The following KTN1 variants were observed in gnomAD, a reference collection of about 807,000 sequenced individuals.
The protein encoded by KTN1 is kinectin 1.
In KTN1, 130 loss-of-function variants were observed where a neutral mutation model predicts 222.5. The observed-to-expected ratio is 0.58, with a 90% CI of 0.51 to 0.68. KTN1 has a LOEUF of 0.68. Ranked by LOEUF, KTN1 falls within the 30% of genes least tolerant of loss-of-function variation. The pLI, the probability that KTN1 is intolerant of heterozygous loss-of-function variation, is 0.00. For missense variants in KTN1, 1,508 were observed against 1,500.4 expected (o/e 1.01, Z -0.08); for synonymous variants, 512 against 496.3 (o/e 1.03, Z -0.42).
intron 31 of KTN1, chr14:55,661,268 T>C (rs1334987111): frequency 3.3e-6 from 1 of 302,834 alleles, no homozygotes; most frequent in Non-Finnish European, 6.0e-6. Flanking sequence ...AATATGTTTC[T>C]TAGGGGATGA....
At chr14:55,673,048 A>T in intron 39 of KTN1, 36 bp downstream of exon 39, 1 of 1,558,152 alleles carries the variant, frequency 6.4e-7, no homozygotes, top group South Asian at 1.1e-5. Flanking sequence ...CTTGCTTCTC[A>T]ATTCAGATTA....
At chr14:55,654,080 G>C (rs1218668937) in intron 28 of KTN1, among the ~76,000 whole-genome samples, 1 of 152,146 alleles carries the variant, frequency 6.6e-6, no homozygotes, top group African/African-American at 2.4e-5. Context: ...TAGGAAAACT[G>C]AATCTAGTCA....
At chr14:55,637,737 T>C in intron 11 of KTN1, 42 bp from the exon 12 acceptor site, 1 of 1,433,186 alleles carries the variant, frequency 7.0e-7, no homozygotes, top group Admixed American at 1.7e-5. Context: ...TGGGGTTATT[T>C]ATTAGCATGC....
At chr14:55,659,325 T>TA (rs1008461885) in intron 30 of KTN1, among the ~76,000 whole-genome samples, 2 of 150,986 alleles carry the variant, frequency 1.3e-5, no homozygotes, top group Non-Finnish European at 3.0e-5. Context: ...TTTTTTTTTT[T>TA]AACTTGGAAG....
chr14:55,591,092 A>G (rs569893837), intron 1 of KTN1, among the ~76,000 whole-genome samples: 12 of 152,220 alleles, frequency 7.9e-5, no homozygotes, highest in African/African-American at 2.9e-4. Flanking sequence ...TGTTGTTAGT[A>G]TACACAGTGC....
chr14:55,652,393 C>CTTTT (rs769501863), intron 25 of KTN1, among the ~76,000 whole-genome samples: 36 of 117,406 alleles, frequency 3.1e-4, no homozygotes, highest in East Asian at 5.1e-4. Context: ...TCTTAAATGC[C>CTTTT]TTTTTTTTTT....
At chr14:55,644,151 G>T in intron 18 of KTN1, 1 of 403,210 alleles carries the variant, frequency 2.5e-6, no homozygotes, top group Admixed American at 4.0e-5. Flanking sequence ...AATCATTTCT[G>T]TGGCTTTTCC....
chr14:55,646,385 TTGTC>T (rs531380915), intron 18 of KTN1, among the ~76,000 whole-genome samples: 160 of 151,866 alleles, frequency 1.1e-3, no homozygotes, highest in African/African-American at 3.0e-3. Flanking sequence ...GAGCCCATGT[TTGTC>T]TGTCTTTCTT....
In KTN1 at chr14:55,667,239, A is replaced by G; in HGVS notation, c.3178-2A>G. The G allele has an allele frequency of 6.3e-7, 1 of 1,582,056 alleles. No individual in the cohort carries two copies. Among genetic ancestry groups the G allele is most frequent in the Admixed American group, 1.8e-5 (1 of 56,016 alleles). Reference sequence around the variant, plus strand: ...TTTGATTTGGCTCATCTTCTGCTTTAGGAAAGGCAGCAACAGGTGGAAGCT... The same window carrying G: ...TTTGATTTGGCTCATCTTCTGCTTTGGGAAAGGCAGCAACAGGTGGAAGCT... On this transcript the variant is annotated splice_acceptor_variant, in intron 33 of 43. Transcript: ENST00000395314. LOFTEE classifies it high-confidence loss of function.
intron 1 of KTN1, among the ~76,000 whole-genome samples, chr14:55,587,573 A>G (rs1389956302): frequency 2.6e-5 from 4 of 152,106 alleles, no homozygotes; most frequent in African/African-American, 9.6e-5. Flanking sequence ...ATATCCACAC[A>G]GGTTGAATTC....
intron 12 of KTN1, among the ~76,000 whole-genome samples, chr14:55,638,267 A>G (rs2041367671): frequency 6.6e-6 from 1 of 151,908 alleles, no homozygotes; most frequent in South Asian, 2.1e-4. Flanking sequence ...CAAAATGATC[A>G]ATTGAAAATT....
At chr14:55,588,421 C>T (rs1021213526) in intron 1 of KTN1, among the ~76,000 whole-genome samples, 1 of 152,120 alleles carries the variant, frequency 6.6e-6, no homozygotes, top group African/African-American at 2.4e-5. Flanking sequence ...GCACTTCCAG[C>T]ATTACTAGTG....
At position 55,664,024 on chromosome 14, in the gene KTN1, G is replaced by C; in HGVS notation, c.3160G>C (p.Val1054Leu). 6.2e-7 allele frequency: 1 copy of C among 1,611,150 alleles called. No homozygotes were observed. The highest frequency in any genetic ancestry group is 8.5e-7 in the Non-Finnish European group (1 of 1,177,870). ...ASTEKMLQDK[V>L]NKTSKERQQQ... ...AACTGAAAAAATGCTGCAGGACAAA[G>C]TGAACAAGACTTCCAAGGTTGTAAT... Residue 1054 changes from valine (V) to leucine (L), a missense_variant, in exon 33 of 44, where the codon GTG (valine) becomes CTG (leucine). Val to Leu is a conservative substitution (Grantham distance 32). Coordinates refer to ENST00000395314, the MANE Select transcript of KTN1 (RefSeq NM_001079521.2).
Position 55,663,937 on chromosome 14 carries a change from C to T in KTN1, c.3091-18C>T. 2 of 1,572,856 alleles carry T rather than the reference C, an allele frequency of 1.3e-6. No individual in the cohort carries two copies. Among genetic ancestry groups the T allele is most frequent in the South Asian group, 1.1e-5 (1 of 89,248 alleles). On this transcript the variant is annotated intron_variant, in intron 32 of 43. Transcript: ENST00000395314. ...CAATAATGGATAAACTGAAATCATT[C>T]TTTCTAAAAATGATTAGGACCTTCG...
At chr14:55,642,910 T>C (rs1418335755) in intron 18 of KTN1, among the ~76,000 whole-genome samples, 1 of 151,866 alleles carries the variant, frequency 6.6e-6, no homozygotes, top group Non-Finnish European at 1.5e-5. Context: ...GCTTATTCTT[T>C]TTTTTTTTTT....
At chr14:55,605,118 CCTCA>C (rs372533416) in intron 1 of KTN1, among the ~76,000 whole-genome samples, 2 of 152,272 alleles carry the variant, frequency 1.3e-5, no homozygotes, top group African/African-American at 2.4e-5. Context: ...TTATTAGTGT[CCTCA>C]CTCACTTTCA....
intron 1 of KTN1, among the ~76,000 whole-genome samples, chr14:55,589,056 C>T (rs1397992956): frequency 6.6e-6 from 1 of 152,020 alleles, no homozygotes; most frequent in African/African-American, 2.4e-5. Flanking sequence ...CAAGATTAGC[C>T]TTGGAATTAT....
At chr14:55,665,738 A>T (rs2044662842) in intron 33 of KTN1, among the ~76,000 whole-genome samples, 1 of 152,080 alleles carries the variant, frequency 6.6e-6, no homozygotes, top group Admixed American at 6.5e-5. Flanking sequence ...TATGCAAATT[A>T]TAGTTCAGTT....
chr14:55,667,360 G>A, intron 34 of KTN1, 30 bp downstream of exon 34: 1 of 1,309,766 alleles, frequency 7.6e-7, no homozygotes, highest in Non-Finnish European at 1.1e-6. Flanking sequence ...TTTTTAACAT[G>A]ATGACATTAT....
Sources: gnomAD v4.1 joint callset for allele counts (sites outside exome capture counted in the v4.1 genomes callset) on GRCh38, gnomAD v4.1.1 for gene constraint, MANE v1.5 for transcripts, NCBI Gene and HGNC (gene_info 2026-07-23, HGNC 2026-07-21) for gene names.